DLGAP2: variants seen among roughly 807,000 people sequenced by gnomAD.
DLGAP2 encodes the protein DLG associated protein 2.
A neutral mutation model predicts 100.3 loss-of-function variants in DLGAP2; 26 were observed. The ratio of observed to expected loss-of-function variants is 0.26; its 90% confidence interval spans 0.19 to 0.36. DLGAP2 has a LOEUF of 0.36. Ranked by LOEUF, DLGAP2 falls within the 10% of genes least tolerant of loss-of-function variation. The pLI is 1.00. For synonymous variants in DLGAP2, 886 were observed against 630.1 expected (o/e 1.41, Z -6.08); for missense variants, 1,858 against 1,453.2 (o/e 1.28, Z -4.53).
At chr8:894,051 G>A (rs1798090558) in intron 1 of DLGAP2, among the ~76,000 whole-genome samples, 1 of 152,212 alleles carries the variant, frequency 6.6e-6, no homozygotes, top group South Asian at 2.1e-4. Flanking sequence ...TGGCAGGCAG[G>A]GGCTTCTTCC....
At chr8:1,629,059 A>G (rs567322619) in intron 7 of DLGAP2, among the ~76,000 whole-genome samples, 1 of 152,364 alleles carries the variant, frequency 6.6e-6, no homozygotes, top group East Asian at 1.9e-4. Flanking sequence ...CTGGCTGCAG[A>G]TCATGCTGTG....
At chr8:1,085,045 A>T (rs1022006343) in intron 2 of DLGAP2, among the ~76,000 whole-genome samples, 2 of 152,198 alleles carry the variant, frequency 1.3e-5, no homozygotes, top group African/African-American at 4.8e-5. Flanking sequence ...TGTCTTTTGG[A>T]TAATAGCCAT....
At chr8:1,586,182 C>A (rs1007410665) in intron 6 of DLGAP2, among the ~76,000 whole-genome samples, 1 of 152,228 alleles carries the variant, frequency 6.6e-6, no homozygotes, top group South Asian at 2.1e-4. Flanking sequence ...CCTTCCGGGT[C>A]TCTCTGGGCT....
chr8:789,922 CT>C (rs1218135670), intron 1 of DLGAP2, among the ~76,000 whole-genome samples: 2 of 152,112 alleles, frequency 1.3e-5, no homozygotes, highest in Admixed American at 6.5e-5. Flanking sequence ...AGCTGCACCC[CT>C]GACCCACTGT....
chr8:1,463,437 C>A (rs1584928452), intron 3 of DLGAP2, among the ~76,000 whole-genome samples: 1 of 152,312 alleles, frequency 6.6e-6, no homozygotes, highest in Non-Finnish European at 1.5e-5. Context: ...TGTCCAGGGA[C>A]CACCCATGCT....
At chr8:775,076 G>C (rs1005994488) in intron 1 of DLGAP2, among the ~76,000 whole-genome samples, 5 of 152,202 alleles carry the variant, frequency 3.3e-5, no homozygotes, top group Non-Finnish European at 7.3e-5. Context: ...TCCCTTGTAA[G>C]TTGGATTCCT....
In DLGAP2 at chr8:1,224,905, A is replaced by T. The variant is rs113306320; in HGVS notation, c.74-33946A>T. Among the ~76,000 whole-genome samples the T allele has an allele frequency of 4.4e-3, 677 of 152,360 alleles. 1 individual carries two copies. The highest frequency in any genetic ancestry group is 7.3e-3 in the Non-Finnish European group (500 of 68,036). ...GAACTGCTCCCCCACATCTGCTAGG[A>T]TGGCTGTTGGTGACAAAATTAATCG... is the stretch of plus-strand genomic sequence containing the variant. On this transcript the variant is annotated intron_variant, in intron 2 of 14. Transcript: ENST00000637795.
At chr8:1,640,964 C>T (rs528146335) in intron 8 of DLGAP2, among the ~76,000 whole-genome samples, 10 of 152,136 alleles carry the variant, frequency 6.6e-5, no homozygotes, top group Non-Finnish European at 1.0e-4. Flanking sequence ...CCCTGGGGAC[C>T]GGTAGGGAGA....
At chr8:1,145,955 A>G (rs1334557963) in intron 2 of DLGAP2, among the ~76,000 whole-genome samples, 1 of 151,786 alleles carries the variant, frequency 6.6e-6, no homozygotes, top group East Asian at 1.9e-4. Flanking sequence ...ATCATTTTTT[A>G]TGGCTGCATA....
intron 2 of DLGAP2, among the ~76,000 whole-genome samples, chr8:1,128,222 T>A (rs1422354485): frequency 5.3e-5 from 8 of 151,030 alleles, no homozygotes; most frequent in Admixed American, 5.3e-4. Flanking sequence ...GCTCCCCATG[T>A]TGTGTTCGGT....
chr8:1,283,789 A>C (rs866052236), intron 3 of DLGAP2, among the ~76,000 whole-genome samples: 4 of 152,254 alleles, frequency 2.6e-5, no homozygotes, highest in African/African-American at 9.6e-5. Context: ...AAGCATATTT[A>C]CTGCTATTTT....
rs114819760 is a variant in DLGAP2, at chr8:985,415, A to G, written c.73+77449A>G. On this transcript the variant is annotated intron_variant, in intron 2 of 14. Coordinates refer to ENST00000637795, the MANE Select transcript of DLGAP2 (RefSeq NM_001346810.2). ...ATACTGACAAAACAAGGGCCATGAC[A>G]ACCACCTCATGGTGTTGTCAGGATT... is the stretch of plus-strand genomic sequence containing the variant. 3.1e-3 allele frequency among the ~76,000 whole-genome samples: 466 copies of G among 152,328 alleles called. 3 individuals are homozygous for G. The highest frequency in any genetic ancestry group is 0.011 in the African/African-American group (437 of 41,576).
At chr8:1,288,573 A>C (rs1799990933) in intron 3 of DLGAP2, among the ~76,000 whole-genome samples, 1 of 99,090 alleles carries the variant, frequency 1.0e-5, no homozygotes, top group African/African-American at 4.4e-5. Context: ...TAGGAGGGGA[A>C]CTAGTTTCAG....
intron 2 of DLGAP2, among the ~76,000 whole-genome samples, chr8:1,063,855 G>T (rs1044275464): frequency 2.0e-5 from 3 of 152,206 alleles, no homozygotes; most frequent in African/African-American, 7.2e-5. Context: ...AATGGTGTCT[G>T]TTGTGGCCTT....
intron 3 of DLGAP2, among the ~76,000 whole-genome samples, chr8:1,330,217 C>G (rs909876331): frequency 6.7e-6 from 1 of 150,236 alleles, no homozygotes; most frequent in Non-Finnish European, 1.5e-5. Flanking sequence ...GAGAGCACTA[C>G]TTCACAGGGA....
rs1417226190 is a variant in DLGAP2, at chr8:1,337,205, ATGG to A, written c.106+78325_106+78327del. 2.3e-3 allele frequency among the ~76,000 whole-genome samples: 340 copies of A among 150,536 alleles called. 2 individuals are homozygous for A. Among genetic ancestry groups the A allele is most frequent in the South Asian group, 5.3e-3 (25 of 4,730 alleles). On this transcript the variant is annotated intron_variant, in intron 3 of 14. Transcript: ENST00000637795. ...GGTGGTGGTGAGAATGATGGTGATG[ATGG>A]TGATGATGATGAGGATGATGGTGGT...
chr8:1,175,715 C>G (rs1797238099), intron 2 of DLGAP2, among the ~76,000 whole-genome samples: 1 of 152,278 alleles, frequency 6.6e-6, no homozygotes, highest in Middle Eastern at 3.4e-3. Flanking sequence ...TTTAAGAGCT[C>G]AATTCTTGAC....
At chr8:1,163,672 G>C (rs1453347506) in intron 2 of DLGAP2, among the ~76,000 whole-genome samples, 1 of 152,228 alleles carries the variant, frequency 6.6e-6, no homozygotes, top group Non-Finnish European at 1.5e-5. Flanking sequence ...CGGGGATCGA[G>C]AAAACGCTTC....
At chr8:1,409,673 G>C (rs925894884) in intron 3 of DLGAP2, among the ~76,000 whole-genome samples, 2 of 152,182 alleles carry the variant, frequency 1.3e-5, no homozygotes, top group African/African-American at 2.4e-5. Flanking sequence ...GTTTGAATCA[G>C]GGAATGAGTA....
Sources: allele counts gnomAD v4.1 joint callset (sites outside exome capture counted in the v4.1 genomes callset), GRCh38; gene constraint gnomAD v4.1.1; transcripts MANE v1.5; gene names NCBI Gene and HGNC (gene_info 2026-07-23, HGNC 2026-07-21).